Variants in GALNT13 observed in about 807,000 individuals in gnomAD.
The protein encoded by GALNT13 is UDP-GalNAc:polypeptide N-acetylgalactosaminyltransferase 13.
Under a neutral mutation model 64.2 loss-of-function variants are expected in GALNT13, and 28 were observed. That is an observed-to-expected ratio of 0.44 (90% CI 0.32 to 0.60). The LOEUF is 0.60. Among genes scored for constraint, GALNT13 ranks in the 20% least tolerant of loss-of-function variants. The pLI, the probability that GALNT13 is intolerant of heterozygous loss-of-function variation, is 0.05. For synonymous variants in GALNT13, 214 were observed against 224.6 expected (o/e 0.95, Z 0.42); for missense variants, 577 against 669.8 (o/e 0.86, Z 1.53).
the GALNT13 span, among the ~76,000 whole-genome samples, chr2:153,521,843 T>C: frequency 6.6e-6 from 1 of 152,296 alleles, no homozygotes; most frequent in African/African-American, 2.4e-5. Context: ...CATTTTATGG[T>C]CCTCTGTGTC....
At chr2:154,142,280 T>A (rs1683300183) in intron 4 of GALNT13, among the ~76,000 whole-genome samples, 2 of 152,100 alleles carry the variant, frequency 1.3e-5, no homozygotes, top group African/African-American at 4.8e-5. Flanking sequence ...CTGGGCTTGG[T>A]GGCTCATGCC....
chr2:153,220,212 C>A, the GALNT13 span, among the ~76,000 whole-genome samples: 2 of 152,150 alleles, frequency 1.3e-5, no homozygotes, highest in African/African-American at 2.4e-5. Flanking sequence ...GCTCTCTCCA[C>A]CCACCAGGAA....
intron 3 of GALNT13, among the ~76,000 whole-genome samples, chr2:154,093,859 A>G (rs1018622225): frequency 6.6e-6 from 1 of 151,588 alleles, no homozygotes; most frequent in Non-Finnish European, 1.5e-5. Context: ...CTCTAAGTAT[A>G]TTCTCCCTCC....
At chr2:153,209,710 C>A in the GALNT13 span, among the ~76,000 whole-genome samples, 1 of 151,912 alleles carries the variant, frequency 6.6e-6, no homozygotes, top group African/African-American at 2.4e-5. Flanking sequence ...AAAATCCTGC[C>A]GGGATTTTGA....
the GALNT13 span, among the ~76,000 whole-genome samples, chr2:153,336,833 G>A: frequency 6.6e-6 from 1 of 152,154 alleles, no homozygotes; most frequent in Non-Finnish European, 1.5e-5. Context: ...AGCTTGAATT[G>A]TGTCTCCCAG....
At chr2:154,048,696 T>A (rs992982823) in intron 3 of GALNT13, among the ~76,000 whole-genome samples, 6 of 152,102 alleles carry the variant, frequency 3.9e-5, no homozygotes, top group African/African-American at 1.4e-4. Context: ...AAACATCTAG[T>A]AGCTGAAATA....
chr2:153,741,251 T>G, the GALNT13 span, among the ~76,000 whole-genome samples: 1 of 152,074 alleles, frequency 6.6e-6, no homozygotes. Context: ...TTCTATCCAA[T>G]GTACTTTTCT....
At chr2:154,240,382 A>T (rs1325635489) in intron 4 of GALNT13, among the ~76,000 whole-genome samples, 1 of 152,184 alleles carries the variant, frequency 6.6e-6, no homozygotes, top group Non-Finnish European at 1.5e-5. Flanking sequence ...CCCCTTACTA[A>T]TCAGTGTGCT....
chr2:153,301,323 A>AAAAAAAAAAAGAAG, the GALNT13 span, among the ~76,000 whole-genome samples: 20 of 149,844 alleles, frequency 1.3e-4, 1 homozygote, highest in African/African-American at 4.5e-4. Flanking sequence ...AAAAAAGAAA[A>AAAAAAAAAAAGAAG]AAAAAAAGAG....
chr2:153,811,796 T>C, the GALNT13 span, among the ~76,000 whole-genome samples: 2 of 152,206 alleles, frequency 1.3e-5, no homozygotes, highest in Non-Finnish European at 2.9e-5. Context: ...CAAGCCTCTT[T>C]TGATTTCTAA....
intron 4 of GALNT13, among the ~76,000 whole-genome samples, chr2:154,226,783 C>T (rs1051485825): frequency 5.3e-5 from 8 of 151,788 alleles, no homozygotes; most frequent in Non-Finnish European, 7.4e-5. Context: ...GTTTTTATGC[C>T]GCAAGAACAA....
In GALNT13 at chr2:154,450,518, G is replaced by A. The variant is rs1166044411; in HGVS notation, c.1638G>A (p.Gln546=). ...MQDCSGSRSQ[Q]WLLRNMTLGT The stretch of plus-strand genomic sequence containing the variant: ...ACTGTAGTGGAAGCAGATCCCAACA[G>A]TGGCTGCTAAGGAACATGACCTTGG... Residue 546 remains glutamine, a synonymous_variant, in exon 13 of 13, where the codon CAG becomes CAA. Coordinates refer to ENST00000392825, the MANE Select transcript of GALNT13 (RefSeq NM_052917.4). 15 of 1,611,910 alleles carry A rather than the reference G, an allele frequency of 9.3e-6. No individual in the cohort carries two copies. The highest frequency in any genetic ancestry group is 1.0e-5 in the Non-Finnish European group (12 of 1,178,978).
chr2:154,191,631 G>A (rs999884584), intron 4 of GALNT13, among the ~76,000 whole-genome samples: 6 of 152,126 alleles, frequency 3.9e-5, no homozygotes, highest in African/African-American at 1.4e-4. Flanking sequence ...TGAAAATAAC[G>A]TGATACCTAT....
chr2:153,430,835 G>C, the GALNT13 span, among the ~76,000 whole-genome samples: 3 of 151,858 alleles, frequency 2.0e-5, no homozygotes, highest in East Asian at 5.8e-4. Context: ...AAACTATTTA[G>C]GATTATAAGA....
At chr2:154,411,613 G>T (rs554596635) in intron 11 of GALNT13, among the ~76,000 whole-genome samples, 1 of 151,734 alleles carries the variant, frequency 6.6e-6, no homozygotes, top group South Asian at 2.1e-4. Flanking sequence ...TATTTATATG[G>T]ATGCTATGTA....
chr2:154,291,076 T>C (rs1692596438), intron 8 of GALNT13, among the ~76,000 whole-genome samples: 1 of 152,114 alleles, frequency 6.6e-6, no homozygotes, highest in East Asian at 2.0e-4. Flanking sequence ...GAACAAACCT[T>C]CCACAGCGTG....
chr2:154,397,279 CA>C (rs946829771), intron 10 of GALNT13, among the ~76,000 whole-genome samples: 19 of 151,026 alleles, frequency 1.3e-4, no homozygotes, highest in Admixed American at 6.6e-5. Context: ...ACTAAAAATA[CA>C]AAAAAAAACT....
At chr2:153,421,535 G>T in the GALNT13 span, 1 of 231,934 alleles carries the variant, frequency 4.3e-6, no homozygotes, top group Non-Finnish European at 9.9e-6. Context: ...AGTGAACCCA[G>T]AACCAGTTTC....
chr2:154,016,679 A>C (rs1697029873), intron 3 of GALNT13, among the ~76,000 whole-genome samples: 1 of 152,158 alleles, frequency 6.6e-6, no homozygotes, highest in Non-Finnish European at 1.5e-5. Context: ...GCCTCCAAAA[A>C]TGCTGGGATT....
Sources: gnomAD v4.1 joint callset for allele counts (sites outside exome capture counted in the v4.1 genomes callset) on GRCh38, gnomAD v4.1.1 for gene constraint, MANE v1.5 for transcripts, NCBI Gene and HGNC (gene_info 2026-07-23, HGNC 2026-07-21) for gene names.